Variants in OXR1 observed in about 807,000 individuals in gnomAD.
OXR1 encodes oxidation resistance protein 1.
Under a neutral mutation model 104.6 loss-of-function variants are expected in OXR1, and 41 were observed. The ratio of observed to expected loss-of-function variants is 0.39; its 90% CI spans 0.31 to 0.51. The LOEUF is 0.51. Among genes scored for constraint, OXR1 ranks in the 20% least tolerant of loss-of-function variants. The pLI, the probability that OXR1 is intolerant of heterozygous loss-of-function variation, is 0.77. For missense variants in OXR1, 955 were observed against 1,031.9 expected (o/e 0.93, Z 1.02); for synonymous variants, 348 against 348.4 (o/e 1.00, Z 0.01).
chr8:106,506,513 T>TGAGGCAGGAGAATGTTGTG (rs1305089182), intron 2 of OXR1, among the ~76,000 whole-genome samples: 48 of 152,056 alleles, frequency 3.2e-4, no homozygotes, highest in African/African-American at 1.1e-3. Flanking sequence ...CTCGGGAGGC[T>TGAGGCAGGAGAATGTTGTG]GAGGCAGGAG....
At chr8:106,313,922 A>G (rs931230646) in intron 1 of OXR1, among the ~76,000 whole-genome samples, 3 of 152,206 alleles carry the variant, frequency 2.0e-5, no homozygotes. Flanking sequence ...ACTGGAAATT[A>G]AAGAAGAATG....
intron 11 of OXR1, chr8:106,720,893 T>G (rs979044169): frequency 1.3e-5 from 2 of 153,920 alleles, no homozygotes; most frequent in African/African-American, 4.8e-5. Context: ...GTAAAACTTT[T>G]CATTCAGCTT....
At chr8:106,557,714 A>C (rs1166421554) in intron 3 of OXR1, among the ~76,000 whole-genome samples, 1 of 152,202 alleles carries the variant, frequency 6.6e-6, no homozygotes, top group African/African-American at 2.4e-5. Context: ...TGATGAATTT[A>C]GCTAAAATGC....
intron 3 of OXR1, among the ~76,000 whole-genome samples, chr8:106,623,068 C>T (rs549642771): frequency 2.6e-5 from 4 of 152,208 alleles, no homozygotes; most frequent in East Asian, 3.9e-4. Flanking sequence ...AAACCCAAGA[C>T]CCTGGCTCCA....
chr8:106,505,269 C>T (rs925104404), intron 2 of OXR1, among the ~76,000 whole-genome samples: 5 of 152,184 alleles, frequency 3.3e-5, no homozygotes, highest in Non-Finnish European at 5.9e-5. Context: ...TGTATGAAGA[C>T]AGGTGTGAAG....
chr8:106,577,166 ATTG>A (rs1331267070), intron 3 of OXR1, among the ~76,000 whole-genome samples: 1 of 151,590 alleles, frequency 6.6e-6, no homozygotes, highest in Admixed American at 6.6e-5. Context: ...TTTTTACATT[ATTG>A]TCTCACAGAC....
chr8:106,734,197 A>G (rs967630072), intron 11 of OXR1, among the ~76,000 whole-genome samples: 22 of 152,132 alleles, frequency 1.4e-4, no homozygotes, highest in African/African-American at 5.3e-4. Flanking sequence ...TGTTATTTTG[A>G]AAGCAGTAGT....
chr8:106,554,419 C>A (rs898736117), intron 3 of OXR1, among the ~76,000 whole-genome samples: 1 of 152,160 alleles, frequency 6.6e-6, no homozygotes, highest in East Asian at 1.9e-4. Flanking sequence ...TTTTCAGGAT[C>A]TAATGCAGGA....
chr8:106,683,840 T>G lies in OXR1; in HGVS notation c.412-406T>G, dbSNP rs759971949. On this transcript the variant is annotated intron_variant, in intron 5 of 16. Coordinates refer to ENST00000517566, the MANE Select transcript of OXR1 (RefSeq NM_001198533.2). ...TTAAAGCATTAGACTATTTCTACTC[T>G]TTTGCTAAGGTCAATAGTGCTGTAG... is the stretch of plus-strand genomic sequence containing the variant. 1.4e-4 allele frequency among the ~76,000 whole-genome samples: 22 copies of G among 152,224 alleles called. 1 individual carries two copies. Among genetic ancestry groups the G allele is most frequent in the Admixed American group, 1.2e-3 (19 of 15,288 alleles).
intron 12 of OXR1, among the ~76,000 whole-genome samples, chr8:106,739,041 G>C (rs1165406036): frequency 6.8e-6 from 1 of 148,112 alleles, no homozygotes; most frequent in Non-Finnish European, 1.5e-5. Context: ...GACAAATTTT[G>C]TGTTAGCATG....
chr8:106,692,794 G>A lies in OXR1; in HGVS notation c.592G>A (p.Val198Ile). The A allele has an allele frequency of 6.2e-7, 1 of 1,605,278 alleles. No individual in the cohort carries two copies. The highest frequency in any genetic ancestry group is 8.5e-7 in the Non-Finnish European group (1 of 1,174,092). ...TTTCACTGGTATTCGACCTGCACGA[G>A]TTGTATCTTCAACTTCTGAGGAGGA... ...STFTGIRPAR[V>I]VSSTSEEEEA... The change falls in exon 7 of 17, where the codon GTT becomes ATT. Residue 198 changes from valine (V) to isoleucine (I), a missense_variant. By Grantham distance (29) the Val-to-Ile change is conservative. Around this residue, in one of 2 missense-constraint regions of OXR1, gnomAD observed 849 missense variants for 852.9 expected, o/e 1.00. Transcript: ENST00000517566.
chr8:106,717,193 AT>A (rs1169424732), intron 11 of OXR1, among the ~76,000 whole-genome samples: 3 of 152,240 alleles, frequency 2.0e-5, no homozygotes, highest in Admixed American at 2.0e-4. Context: ...CTCAAAAAAA[AT>A]AAATAAATAA....
chr8:106,417,298 C>G (rs1818718400), intron 2 of OXR1, among the ~76,000 whole-genome samples: 1 of 152,082 alleles, frequency 6.6e-6, no homozygotes, highest in South Asian at 2.1e-4. Flanking sequence ...TGGAACTCCA[C>G]TATTATGCAA....
intron 3 of OXR1, among the ~76,000 whole-genome samples, chr8:106,562,359 G>A (rs1311822718): frequency 1.3e-5 from 2 of 151,984 alleles, no homozygotes; most frequent in Non-Finnish European, 2.9e-5. Context: ...TCAAGCTGAA[G>A]AAAGGATATC....
chr8:106,728,012 T>C (rs1833512292), intron 11 of OXR1, among the ~76,000 whole-genome samples: 1 of 152,026 alleles, frequency 6.6e-6, no homozygotes, highest in African/African-American at 2.4e-5. Context: ...AATAGAACAA[T>C]ATGATGTGTT....
chr8:106,481,103 C>T (rs1822087721), intron 2 of OXR1, among the ~76,000 whole-genome samples: 1 of 151,942 alleles, frequency 6.6e-6, no homozygotes, highest in African/African-American at 2.4e-5. Flanking sequence ...ACAGTAGCCT[C>T]TCATTTCTTT....
intron 1 of OXR1, among the ~76,000 whole-genome samples, chr8:106,349,522 C>T (rs912730738): frequency 1.3e-5 from 2 of 152,042 alleles, no homozygotes; most frequent in African/African-American, 4.8e-5. Context: ...AAAACAACCT[C>T]GGACTACCAT....
At chr8:106,335,139 T>C (rs1814904122) in intron 1 of OXR1, among the ~76,000 whole-genome samples, 1 of 152,144 alleles carries the variant, frequency 6.6e-6, no homozygotes, top group African/African-American at 2.4e-5. Flanking sequence ...CCATGTGTTG[T>C]TTCGTCTGCT....
At chr8:106,347,280 A>G (rs1173564019) in intron 1 of OXR1, among the ~76,000 whole-genome samples, 3 of 152,224 alleles carry the variant, frequency 2.0e-5, no homozygotes, top group African/African-American at 7.2e-5. Context: ...TTCTTTTGTG[A>G]TCCGTATTTG....
Sources: allele counts gnomAD v4.1 joint callset (sites outside exome capture counted in the v4.1 genomes callset), GRCh38; gene constraint gnomAD v4.1.1; regional missense constraint gnomAD v4.1.1; transcripts MANE v1.5; gene names NCBI Gene and HGNC (gene_info 2026-07-23, HGNC 2026-07-21).